The following CNTLN variants were observed in gnomAD, a reference collection of about 807,000 sequenced individuals.
CNTLN encodes the protein centlein.
A neutral mutation model predicts 180.0 loss-of-function variants in CNTLN; 212 were observed. That is an observed-to-expected ratio of 1.18 (90% confidence interval 1.05 to 1.32). CNTLN has a LOEUF of 1.32. Among genes scored for constraint, CNTLN ranks in the 40% most tolerant of loss-of-function variants. The probability of loss-of-function intolerance (pLI) is 0.00; values close to 1 mark genes in which losing one functional copy is unlikely to be tolerated. For synonymous variants in CNTLN, 722 were observed against 563.1 expected, an observed-to-expected ratio of 1.28 and a Z score of -3.99; for missense variants, 2,095 against 1,610.9, an observed-to-expected ratio of 1.30 and a Z score of -5.14.
intron 12 of CNTLN, 82 bp downstream of exon 12, chr9:17,342,526 C>A: frequency 1.6e-6 from 2 of 1,224,388 alleles, no homozygotes; most frequent in South Asian, 1.6e-5. Context: ...ATTAAAGAAA[C>A]ACTTTATAAA....
intron 5 of CNTLN, among the ~76,000 whole-genome samples, chr9:17,272,308 C>T (rs1368536621): frequency 6.6e-6 from 1 of 151,994 alleles, no homozygotes; most frequent in Admixed American, 6.6e-5. Flanking sequence ...ATCAGTTGAC[C>T]TCGTGATCTG....
At chr9:17,513,116 T>TC in the CNTLN span, among the ~76,000 whole-genome samples, 1 of 152,096 alleles carries the variant, frequency 6.6e-6, no homozygotes, top group Admixed American at 6.6e-5. Flanking sequence ...CCCGGCCTAG[T>TC]CTATCATTTT....
intron 2 of CNTLN, among the ~76,000 whole-genome samples, chr9:17,152,303 T>C (rs564783706): frequency 1.3e-5 from 2 of 152,332 alleles, no homozygotes; most frequent in Non-Finnish European, 2.9e-5. Flanking sequence ...CATTTAGTAC[T>C]ATAAATTCCC....
chr9:17,439,503 A>C (rs1461335088), intron 18 of CNTLN, among the ~76,000 whole-genome samples: 6 of 152,256 alleles, frequency 3.9e-5, no homozygotes, highest in Admixed American at 6.5e-5. Flanking sequence ...TTTAGATTGA[A>C]TCACAATGAA....
intron 8 of CNTLN, among the ~76,000 whole-genome samples, chr9:17,311,812 A>C (rs1324036911): frequency 6.6e-6 from 1 of 152,104 alleles, no homozygotes. Flanking sequence ...TATCAAGAAG[A>C]AAAAAGAAAA....
chr9:17,225,625 G>T (rs1181182700), intron 2 of CNTLN, among the ~76,000 whole-genome samples: 1 of 151,688 alleles, frequency 6.6e-6, no homozygotes, highest in Admixed American at 6.6e-5. Flanking sequence ...AGCTATATTT[G>T]TTTAAAAGCT....
chr9:17,149,314 A>T (rs1818675817), intron 2 of CNTLN, among the ~76,000 whole-genome samples: 1 of 151,948 alleles, frequency 6.6e-6, no homozygotes, highest in Admixed American at 6.6e-5. Flanking sequence ...ATGATTTATA[A>T]TCCTTTGGGT....
intron 2 of CNTLN, among the ~76,000 whole-genome samples, chr9:17,174,647 G>A (rs1210360159): frequency 6.6e-6 from 1 of 150,608 alleles, no homozygotes; most frequent in Non-Finnish European, 1.5e-5. Context: ...AGTGAGCCGA[G>A]ATTGTGCCAC....
chr9:17,527,292 G>C, the CNTLN span, among the ~76,000 whole-genome samples: 1 of 152,108 alleles, frequency 6.6e-6, no homozygotes, highest in Non-Finnish European at 1.5e-5. Flanking sequence ...AAATCCCATT[G>C]TTCATACCCT....
At chr9:17,203,803 C>T (rs1028567284) in intron 2 of CNTLN, among the ~76,000 whole-genome samples, 40 of 152,288 alleles carry the variant, frequency 2.6e-4, no homozygotes, top group South Asian at 4.1e-4. Context: ...GTGATCCACC[C>T]GCCTCGGCCT....
At chr9:17,486,880 T>C in intron 24 of CNTLN, 109 bp from the exon 25 acceptor site, 1 of 604,538 alleles carries the variant, frequency 1.7e-6, no homozygotes, top group Non-Finnish European at 2.9e-6. Context: ...GACTGTTCTT[T>C]GTTGAATCTA....
chr9:17,178,558 C>G (rs1820889007), intron 2 of CNTLN, among the ~76,000 whole-genome samples: 2 of 152,154 alleles, frequency 1.3e-5, no homozygotes, highest in Non-Finnish European at 2.9e-5. Flanking sequence ...AATTGCAGGT[C>G]TGGAGCCCTG....
Position 17,440,588 on chromosome 9 carries a change from C to CAAAAAAAAAAAAAAA in CNTLN, c.3115-16922_3115-16921insAAAAAAAAAAAAAAA, listed in dbSNP as rs35350865. Among the ~76,000 whole-genome samples the CAAAAAAAAAAAAAAA allele has an allele frequency of 1.6e-4, 18 of 114,636 alleles. No individual in the cohort carries two copies. The East Asian group carries it at 2.1e-3, about 13-fold the overall frequency. The allele number at this position is 114,636 out of a possible 152,430, so 75.2% of individuals were successfully genotyped here. ...TGGGCGACGGAGCGAGACTCCGTCTCAAAAAAAAAAAAAAGAACTGAAAAC... is the reference window on the plus strand; with the variant it reads ...TGGGCGACGGAGCGAGACTCCGTCTCAAAAAAAAAAAAAAAAAAAAAAAAAAAAAGAACTGAAAAC... On this transcript the variant is annotated intron_variant, in intron 18 of 25. Transcript: ENST00000380647.
intron 18 of CNTLN, among the ~76,000 whole-genome samples, chr9:17,430,564 C>A (rs1345749803): frequency 6.6e-6 from 1 of 151,968 alleles, no homozygotes; most frequent in Non-Finnish European, 1.5e-5. Flanking sequence ...CATTCTAGAT[C>A]TTCTCTTACA....
chr9:17,439,994 C>A (rs1269744496), intron 18 of CNTLN, among the ~76,000 whole-genome samples: 1 of 151,964 alleles, frequency 6.6e-6, no homozygotes, highest in African/African-American at 2.4e-5. Context: ...ACTAAGACAC[C>A]CAAATAAAAT....
At chr9:17,517,249 C>T in the CNTLN span, among the ~76,000 whole-genome samples, 1 of 151,658 alleles carries the variant, frequency 6.6e-6, no homozygotes, top group South Asian at 2.1e-4. Context: ...AAAAATTAGC[C>T]AGTGTGGTGG....
chr9:17,336,625 A>G lies in CNTLN; in HGVS notation c.1644+3895A>G, dbSNP rs142818875. 5.2e-3 allele frequency among the ~76,000 whole-genome samples: 795 copies of G among 152,348 alleles called. 3 individuals carry two copies. The highest frequency in any genetic ancestry group is 9.2e-3 in the Non-Finnish European group (626 of 68,030). ...TAATAGTTTAGATTTTGATAATTTT[A>G]TAAGACTTATGTAAACACTCTGCTG... On this transcript the variant is annotated intron_variant, in intron 10 of 25. Coordinates refer to ENST00000380647, the MANE Select transcript of CNTLN (RefSeq NM_017738.4).
At chr9:17,305,622 C>G (rs1265367252) in intron 7 of CNTLN, among the ~76,000 whole-genome samples, 1 of 151,866 alleles carries the variant, frequency 6.6e-6, no homozygotes. Flanking sequence ...CTTGCAGGAT[C>G]TCCTAGAGAA....
At chr9:17,388,974 T>A (rs1825895709) in intron 14 of CNTLN, among the ~76,000 whole-genome samples, 1 of 152,006 alleles carries the variant, frequency 6.6e-6, no homozygotes, top group East Asian at 1.9e-4. Context: ...AATAGTTTGT[T>A]CTTGTGATTG....
Sources: gnomAD v4.1 joint callset for allele counts (sites outside exome capture counted in the v4.1 genomes callset) on GRCh38, gnomAD v4.1.1 for gene constraint, MANE v1.5 for transcripts, NCBI Gene and HGNC (gene_info 2026-07-23, HGNC 2026-07-21) for gene names.